The following MEIS2 variants were observed in gnomAD, a reference collection of about 807,000 sequenced individuals.
MEIS2 encodes Meis homeobox 2, also known as homeobox protein Meis2.
Under a neutral mutation model 58.6 loss-of-function variants are expected in MEIS2, and 9 were observed. That is an observed-to-expected ratio of 0.15 (90% CI 0.09 to 0.27). The LOEUF is 0.27. MEIS2 is among the 10% of genes least tolerant of loss of function. The pLI is 1.00. For missense variants in MEIS2, 427 were observed against 635.0 expected (o/e 0.67, Z 3.52); for synonymous variants, 221 against 228.4 (o/e 0.97, Z 0.29).
intron 8 of MEIS2, among the ~76,000 whole-genome samples, chr15:36,984,253 T>C (rs12324167): frequency 0.032 from 4,925 of 152,266 alleles, 243 homozygotes; most frequent in African/African-American, 0.11. Flanking sequence ...AACTTTTCAC[T>C]GTTGAGTATT....
intron 6 of MEIS2, among the ~76,000 whole-genome samples, chr15:37,091,028 T>C (rs1893451631): frequency 6.6e-6 from 1 of 152,172 alleles, no homozygotes; most frequent in Non-Finnish European, 1.5e-5. Context: ...GTATTAAATA[T>C]GCATATCAAA....
intron 8 of MEIS2, among the ~76,000 whole-genome samples, chr15:37,020,162 G>T (rs185566818): frequency 6.6e-6 from 1 of 152,186 alleles, no homozygotes; most frequent in Non-Finnish European, 1.5e-5. Context: ...TTATGAATCG[G>T]GTCCTGTGGA....
intron 7 of MEIS2, among the ~76,000 whole-genome samples, chr15:37,068,007 C>T (rs11858706): frequency 0.031 from 4,648 of 152,126 alleles, 238 homozygotes; most frequent in African/African-American, 0.1. Flanking sequence ...TATAGATGCC[C>T]AACCCAGCAC....
At chr15:37,075,429 G>C (rs1339284666) in intron 7 of MEIS2, among the ~76,000 whole-genome samples, 1 of 151,964 alleles carries the variant, frequency 6.6e-6, no homozygotes, top group African/African-American at 2.4e-5. Flanking sequence ...CATAAGTTCA[G>C]TAAAACAAAA....
At chr15:37,046,224 T>C (rs1278145419) in intron 7 of MEIS2, among the ~76,000 whole-genome samples, 2 of 152,178 alleles carry the variant, frequency 1.3e-5, no homozygotes, top group Non-Finnish European at 1.5e-5. Context: ...AGCTCCACGC[T>C]GGCCTGTGAT....
chr15:37,069,478 C>T (rs557942293), intron 7 of MEIS2, among the ~76,000 whole-genome samples: 1 of 152,334 alleles, frequency 6.6e-6, no homozygotes, highest in Non-Finnish European at 1.5e-5. Flanking sequence ...AACTGTACCA[C>T]AAGCCTCTTC....
chr15:36,985,319 G>C (rs182254139), intron 8 of MEIS2, among the ~76,000 whole-genome samples: 1 of 152,222 alleles, frequency 6.6e-6, no homozygotes, highest in East Asian at 1.9e-4. Flanking sequence ...TGTTCTCAAT[G>C]AGTATTTTAA....
At chr15:37,093,283 T>C (rs1893771588) in intron 6 of MEIS2, among the ~76,000 whole-genome samples, 1 of 152,150 alleles carries the variant, frequency 6.6e-6, no homozygotes, top group African/African-American at 2.4e-5. Flanking sequence ...GGTGACTATA[T>C]CAAACAGAAT....
intron 8 of MEIS2, among the ~76,000 whole-genome samples, chr15:36,964,632 T>C (rs974425254): frequency 1.3e-5 from 2 of 152,204 alleles, no homozygotes; most frequent in African/African-American, 4.8e-5. Context: ...GAAAAACCTG[T>C]AGAAAGCCCC....
intron 9 of MEIS2, among the ~76,000 whole-genome samples, chr15:36,925,797 G>A (rs1251467834): frequency 6.6e-6 from 1 of 151,970 alleles, no homozygotes; most frequent in Admixed American, 6.6e-5. Flanking sequence ...TGTGAGCTTG[G>A]GTCACAAATC....
At chr15:37,047,947 T>C (rs925430197) in intron 7 of MEIS2, among the ~76,000 whole-genome samples, 1 of 152,234 alleles carries the variant, frequency 6.6e-6, no homozygotes, top group Non-Finnish European at 1.5e-5. Context: ...TGCAAAATAT[T>C]GTCACACAAA....
chr15:36,960,006 T>C (rs1171610611), intron 8 of MEIS2, among the ~76,000 whole-genome samples: 1 of 152,058 alleles, frequency 6.6e-6, no homozygotes, highest in African/African-American at 2.4e-5. Context: ...AACATTTCTT[T>C]AGTAACAGGA....
chr15:36,908,794 C>G (rs1260934454), intron 9 of MEIS2, among the ~76,000 whole-genome samples: 1 of 151,986 alleles, frequency 6.6e-6, no homozygotes, highest in Non-Finnish European at 1.5e-5. Flanking sequence ...AAAGTATTAG[C>G]CGGGCATGGT....
intron 3 of MEIS2, 80 bp downstream of exon 3, chr15:37,096,209 C>T (rs1324954847): frequency 6.2e-6 from 9 of 1,440,642 alleles, no homozygotes; most frequent in Non-Finnish European, 6.5e-6. Context: ...CTGGCCTTTC[C>T]TCCTTTCAAG....
At chr15:37,038,441 A>G (rs2062253438) in intron 7 of MEIS2, among the ~76,000 whole-genome samples, 1 of 152,236 alleles carries the variant, frequency 6.6e-6, no homozygotes, top group Non-Finnish European at 1.5e-5. Flanking sequence ...GAGAAGCAGA[A>G]AAGCCACAGC....
At chr15:36,954,196 G>T (rs569299895) in intron 8 of MEIS2, among the ~76,000 whole-genome samples, 11 of 151,890 alleles carry the variant, frequency 7.2e-5, no homozygotes, top group African/African-American at 2.4e-4. Context: ...TCATGAAAAG[G>T]TTGTCCCCAT....
chr15:36,992,378 G>A (rs915572545), intron 8 of MEIS2, among the ~76,000 whole-genome samples: 7 of 152,024 alleles, frequency 4.6e-5, no homozygotes, highest in Admixed American at 2.0e-4. Flanking sequence ...CAGAAATATT[G>A]TAATTAAGCA....
chr15:36,930,490 G>C (rs1036281768), intron 9 of MEIS2, among the ~76,000 whole-genome samples: 1 of 152,090 alleles, frequency 6.6e-6, no homozygotes, highest in African/African-American at 2.4e-5. Flanking sequence ...CAAACATATA[G>C]GTTTAAAGAC....
At chr15:36,979,710 A>G (rs1250640358) in intron 8 of MEIS2, among the ~76,000 whole-genome samples, 1 of 147,466 alleles carries the variant, frequency 6.8e-6, no homozygotes, top group African/African-American at 2.5e-5. Flanking sequence ...AATATATATA[A>G]TATATATGAA....
Sources: allele counts gnomAD v4.1 joint callset (sites outside exome capture counted in the v4.1 genomes callset), GRCh38; gene constraint gnomAD v4.1.1; transcripts MANE v1.5; gene names NCBI Gene and HGNC (gene_info 2026-07-23, HGNC 2026-07-21).